THSD1: variants seen among roughly 807,000 people sequenced by gnomAD.
THSD1 encodes the protein thrombospondin type 1 domain containing 1.
A neutral mutation model predicts 46.3 loss-of-function variants in THSD1; 34 were observed. The ratio of observed to expected loss-of-function variants is 0.74; its 90% CI spans 0.56 to 0.98. The LOEUF (loss-of-function observed/expected upper bound fraction) is 0.98. Among genes scored for constraint, THSD1 ranks in the 50% least tolerant of loss-of-function variants. THSD1 has a pLI of 0.00. For missense variants in THSD1, 1,023 were observed against 1,058.3 expected (o/e 0.97, Z 0.46); for synonymous variants, 407 against 416.5 (o/e 0.98, Z 0.28).
intron 3 of THSD1, among the ~76,000 whole-genome samples, chr13:52,396,364 A>T (rs2137743059): frequency 6.6e-6 from 1 of 152,266 alleles, no homozygotes; most frequent in South Asian, 2.1e-4. Context: ...TCTACTAAAA[A>T]TACAAAAATT....
rs1045704552 is a variant in THSD1 at position 52,398,592 on chromosome 13, A to G, written c.59-398T>C. Reference sequence around the variant, plus strand: ...GTTAGAACTGAGCCAGGGATGATGTAAAATGATACTGAGCACAGATCCTGG... The same window carrying G: ...GTTAGAACTGAGCCAGGGATGATGTGAAATGATACTGAGCACAGATCCTGG... On this transcript the variant is annotated intron_variant, in intron 2 of 4. Transcript: ENST00000258613. The G allele has an allele frequency of 7.1e-6, 7 of 985,416 alleles. No homozygotes were observed. In the African/African-American group the frequency reaches 1.2e-4, roughly 17 times the overall value. The allele number at this position is 985,416 out of a possible 1,614,324, so 61.0% of individuals were successfully genotyped here.
Position 52,378,035 on chromosome 13 carries a change from G to A in THSD1, c.1935C>T (p.Ala645=), listed in dbSNP as rs775658601. Residue 645 remains alanine (A), a synonymous_variant, in exon 5 of 5, where the codon GCC becomes GCT. Transcript: ENST00000258613. ...CTGTCCTCCTGAAATGGGCGTTCCTGGCATGGCTCCTTTCGGACGGGCCCC... is the reference window on the plus strand; with the variant it reads ...CTGTCCTCCTGAAATGGGCGTTCCTAGCATGGCTCCTTTCGGACGGGCCCC... ...SRGGPSERSH[A]RNAHFRRTAS... The A allele has an allele frequency of 5.6e-6, 9 of 1,614,040 alleles. No individual in the cohort carries two copies. Among genetic ancestry groups the A allele is most frequent in the Non-Finnish European group, 7.6e-6 (9 of 1,180,050 alleles).
chr13:52,389,385 A>G (rs553209550), intron 3 of THSD1, among the ~76,000 whole-genome samples: 19 of 152,340 alleles, frequency 1.2e-4, no homozygotes, highest in Admixed American at 1.1e-3. Context: ...TGGATGTAAC[A>G]AATATAAATC....
intron 2 of THSD1, among the ~76,000 whole-genome samples, chr13:52,399,755 T>C (rs765266530): frequency 1.3e-5 from 2 of 152,188 alleles, no homozygotes; most frequent in Admixed American, 6.5e-5. Flanking sequence ...TCCCTTTTGT[T>C]TGGAGATGAC....
In THSD1 at chr13:52,397,231, C is replaced by T; in HGVS notation, c.1021+1G>A. On this transcript the variant is annotated splice_donor_variant, in intron 3 of 4. Transcript: ENST00000258613. LOFTEE classifies it high-confidence loss of function. The stretch of plus-strand genomic sequence containing the variant: ...AATGTTAAAAAAATCTCAATACAAA[C>T]CTGTATTTCTCTGAATTAGCATGCA... 6.4e-7 allele frequency: 1 copy of T among 1,557,524 alleles called. No homozygotes were observed. The highest frequency in any genetic ancestry group is 8.7e-7 in the Non-Finnish European group (1 of 1,154,270).
chr13:52,385,540 G>A lies in THSD1; in HGVS notation c.1180+488C>T, dbSNP rs190308976. The stretch of plus-strand genomic sequence containing the variant: ...TGTCCCTCTGGGTAGGGGCAGTAAG[G>A]AATAACTTAGGCCACTCAGGGTATA... On this transcript the variant is annotated intron_variant, in intron 4 of 4. Transcript: ENST00000258613. Among the ~76,000 whole-genome samples the A allele has an allele frequency of 1.4e-4, 22 of 152,190 alleles. No homozygotes were observed. The East Asian group carries it at 4.3e-3, about 29-fold the overall frequency.
chr13:52,403,260 TA>T (rs1957878326), intron 1 of THSD1, among the ~76,000 whole-genome samples: 3 of 152,116 alleles, frequency 2.0e-5, no homozygotes, highest in Non-Finnish European at 4.4e-5. Context: ...ATACTACAAT[TA>T]AATATGAACT....
intron 2 of THSD1, among the ~76,000 whole-genome samples, chr13:52,399,332 A>G (rs557511300): frequency 1.3e-5 from 2 of 152,330 alleles, no homozygotes; most frequent in South Asian, 2.1e-4. Context: ...TGGCAATACA[A>G]CAGTCAGCTG....
In THSD1 at chr13:52,378,077, C is replaced by T; in HGVS notation, c.1893G>A (p.Arg631=). The T allele has an allele frequency of 6.2e-7, 1 of 1,614,178 alleles. No homozygotes were observed. Among genetic ancestry groups the T allele is most frequent in the Non-Finnish European group, 8.5e-7 (1 of 1,180,032 alleles). ...ACGGGCCCCCTCTGCTGCCCACGTG[C>T]CTTGCCTGTGACTTGCGGATCAGAG... The part of the protein sequence containing the change: ...SQTLIRKSQA[R]HVGSRGGPSE... The change falls in exon 5 of 5, where the codon AGG becomes AGA. Residue 631 remains arginine (R), a synonymous_variant. Transcript: ENST00000258613.
chr13:52,380,678 G>A (rs1957684975), intron 4 of THSD1, among the ~76,000 whole-genome samples: 1 of 151,862 alleles, frequency 6.6e-6, no homozygotes. Context: ...TCGATCTCCT[G>A]ACCTCGTGAT....
chr13:52,398,477 A>C (rs559927390), intron 2 of THSD1: 1 of 911,636 alleles, frequency 1.1e-6, no homozygotes, highest in South Asian at 5.1e-5. Flanking sequence ...CTTGGGCTCA[A>C]GCAATCCTTC....
At chr13:52,385,785 C>A (rs1445972333) in intron 4 of THSD1, among the ~76,000 whole-genome samples, 1 of 151,978 alleles carries the variant, frequency 6.6e-6, no homozygotes, top group Non-Finnish European at 1.5e-5. Context: ...TTAATATTTC[C>A]TTATTATTTC....
chr13:52,402,322 T>C (rs1289802004), intron 2 of THSD1, among the ~76,000 whole-genome samples: 1 of 152,166 alleles, frequency 6.6e-6, no homozygotes, highest in Non-Finnish European at 1.5e-5. Context: ...GGTTTTTTTA[T>C]TTTTTTAAGA....
At position 52,377,427 on chromosome 13, in the gene THSD1, T is replaced by C; in HGVS notation, c.2543A>G (p.Glu848Gly). The stretch of plus-strand genomic sequence containing the variant: ...ATTCTCAGTCTAGATCACCAGCTTC[T>C]CCACGCTAAGTGTACTTGTGGTTTC... ...EDETTSTLSV[E>G]KLVI Residue 848 changes from glutamate (E) to glycine (G), a missense_variant, in exon 5 of 5, where the codon GAG (glutamate) becomes GGG (glycine). Physicochemically the swap from Glu to Gly is moderately conservative, Grantham distance 98. Transcript: ENST00000258613. The C allele has an allele frequency of 1.1e-5, 17 of 1,542,474 alleles. No homozygotes were observed. The highest frequency in any genetic ancestry group is 1.3e-5 in the Non-Finnish European group (15 of 1,139,730).
intron 4 of THSD1, among the ~76,000 whole-genome samples, chr13:52,381,981 G>A (rs1036978383): frequency 6.6e-6 from 1 of 152,162 alleles, no homozygotes; most frequent in Non-Finnish European, 1.5e-5. Flanking sequence ...AAAGGAGTTC[G>A]TTCTGCAGCA....
intron 1 of THSD1, among the ~76,000 whole-genome samples, chr13:52,405,502 T>C (rs1444498600): frequency 6.6e-6 from 1 of 152,178 alleles, no homozygotes; most frequent in Non-Finnish European, 1.5e-5. Context: ...TATCTGTTCA[T>C]TCGAGTTTGC....
chr13:52,399,005 T>C (rs1045722732), intron 2 of THSD1, among the ~76,000 whole-genome samples: 2 of 152,212 alleles, frequency 1.3e-5, no homozygotes, highest in Non-Finnish European at 1.5e-5. Context: ...TGTCCTCAGT[T>C]TGTATGAGGC....
chr13:52,402,048 C>T (rs185725990), intron 2 of THSD1, among the ~76,000 whole-genome samples: 1 of 152,272 alleles, frequency 6.6e-6, no homozygotes, highest in East Asian at 1.9e-4. Context: ...CATAACAACC[C>T]TGTAAAGTCA....
chr13:52,391,934 T>G (rs965801507), intron 3 of THSD1, among the ~76,000 whole-genome samples: 1 of 151,996 alleles, frequency 6.6e-6, no homozygotes, highest in African/African-American at 2.4e-5. Context: ...GGCTCATGCC[T>G]GTAATCCCAG....
Sources: gnomAD v4.1 joint callset for allele counts (sites outside exome capture counted in the v4.1 genomes callset) on GRCh38, gnomAD v4.1.1 for gene constraint, MANE v1.5 for transcripts, NCBI Gene and HGNC (gene_info 2026-07-23, HGNC 2026-07-21) for gene names.